The following RBFOX1 variants were observed in gnomAD, a reference collection of about 807,000 sequenced individuals.
RBFOX1 encodes the protein RNA binding fox-1 homolog 1, also known as RNA binding protein fox-1 homolog 1.
RBFOX1 carries 8 observed loss-of-function variants against 57.7 expected under a neutral mutation model. That is an observed-to-expected ratio of 0.14 (90% CI 0.08 to 0.25). RBFOX1 has a LOEUF of 0.25. RBFOX1 is among the 10% of genes least tolerant of loss of function. The pLI, the probability that RBFOX1 is intolerant of heterozygous loss-of-function variation, is 1.00. For missense variants in RBFOX1, 611 were observed against 548.5 expected (o/e 1.11, Z -1.14); for synonymous variants, 326 against 222.4 (o/e 1.47, Z -4.15).
intron 1 of RBFOX1, among the ~76,000 whole-genome samples, chr16:5,463,380 C>G (rs1451049069): frequency 1.3e-5 from 2 of 152,104 alleles, no homozygotes; most frequent in African/African-American, 4.8e-5. Flanking sequence ...TCTCCTCTGT[C>G]TGCTGTTAGT....
chr16:6,668,382 G>A (rs1032934229), intron 3 of RBFOX1, among the ~76,000 whole-genome samples: 9 of 152,340 alleles, frequency 5.9e-5, no homozygotes, highest in African/African-American at 2.2e-4. Context: ...ACAGAATCTG[G>A]CATCTGAGGA....
chr16:7,086,036 C>G (rs759845232), intron 4 of RBFOX1, among the ~76,000 whole-genome samples: 2 of 152,162 alleles, frequency 1.3e-5, no homozygotes, highest in Admixed American at 1.3e-4. Flanking sequence ...TCTGAGATAG[C>G]CAGCTCTGAG....
intron 2 of RBFOX1, among the ~76,000 whole-genome samples, chr16:6,390,577 C>T (rs2092551154): frequency 6.6e-6 from 1 of 151,332 alleles, no homozygotes; most frequent in South Asian, 2.1e-4. Context: ...ATGGAAGAAA[C>T]ATATCAGATA....
At chr16:7,296,259 C>CTTTT (rs33997825) in intron 4 of RBFOX1, among the ~76,000 whole-genome samples, 2 of 119,770 alleles carry the variant, frequency 1.7e-5, no homozygotes, top group East Asian at 5.0e-4. Flanking sequence ...TTATGTCCTC[C>CTTTT]TTTTTTTTTT....
chr16:5,932,701 G>T (rs1417393691), intron 4 of RBFOX1, among the ~76,000 whole-genome samples: 1 of 152,176 alleles, frequency 6.6e-6, no homozygotes, highest in African/African-American at 2.4e-5. Flanking sequence ...CACCACTGGG[G>T]TCAGGAGGCT....
At chr16:5,348,521 T>C (rs1390071626) in intron 1 of RBFOX1, among the ~76,000 whole-genome samples, 1 of 152,164 alleles carries the variant, frequency 6.6e-6, no homozygotes, top group Non-Finnish European at 1.5e-5. Context: ...CAGGAATACA[T>C]ATCTAAGAAG....
chr16:6,878,039 G>T (rs1029039052), intron 3 of RBFOX1, among the ~76,000 whole-genome samples: 7 of 152,148 alleles, frequency 4.6e-5, no homozygotes, highest in Non-Finnish European at 1.0e-4. Flanking sequence ...CTCTAAGAGG[G>T]ATGGAGCTGA....
chr16:7,462,904 C>G (rs2059837009), intron 4 of RBFOX1, among the ~76,000 whole-genome samples: 1 of 152,226 alleles, frequency 6.6e-6, no homozygotes, highest in Non-Finnish European at 1.5e-5. Context: ...TTGAAAGGCT[C>G]ATTCCATGAG....
intron 2 of RBFOX1, among the ~76,000 whole-genome samples, chr16:6,641,868 C>G (rs965475423): frequency 1.6e-4 from 25 of 151,812 alleles, no homozygotes; most frequent in Admixed American, 2.6e-4. Flanking sequence ...TGGAGATTAC[C>G]CACTTTAGCT....
intron 1 of RBFOX1, among the ~76,000 whole-genome samples, chr16:5,263,299 C>A (rs938921984): frequency 6.6e-6 from 1 of 151,878 alleles, no homozygotes; most frequent in Admixed American, 6.6e-5. Context: ...CTGTTTTTGC[C>A]ATTACTTGTA....
intron 3 of RBFOX1, among the ~76,000 whole-genome samples, chr16:5,803,501 T>G (rs894259657): frequency 6.6e-6 from 1 of 152,228 alleles, no homozygotes; most frequent in African/African-American, 2.4e-5. Flanking sequence ...GGTGCTACTT[T>G]CTTTGTGAGA....
At chr16:7,693,498 A>T (rs146277927) in intron 14 of RBFOX1, 19 of 692,650 alleles carry the variant, frequency 2.7e-5, no homozygotes, top group Non-Finnish European at 4.0e-5. Flanking sequence ...AAAAGATCTT[A>T]TATCTTTGGA....
chr16:5,490,313 G>A (rs71390664), intron 2 of RBFOX1, among the ~76,000 whole-genome samples: 6 of 152,190 alleles, frequency 3.9e-5, no homozygotes, highest in Admixed American at 3.9e-4. Context: ...GCAACCCCAC[G>A]ATGTGGGTGG....
At chr16:6,789,193 A>G (rs2154246352) in intron 3 of RBFOX1, among the ~76,000 whole-genome samples, 1 of 152,270 alleles carries the variant, frequency 6.6e-6, no homozygotes, top group African/African-American at 2.4e-5. Context: ...TAAGGTTTAA[A>G]GACTGTAAGT....
intron 2 of RBFOX1, among the ~76,000 whole-genome samples, chr16:6,320,457 A>G (rs2081631200): frequency 6.6e-6 from 1 of 152,132 alleles, no homozygotes; most frequent in South Asian, 2.1e-4. Context: ...CATCCATGTA[A>G]CCAAAAACCA....
intron 3 of RBFOX1, among the ~76,000 whole-genome samples, chr16:6,846,626 T>G (rs1290298113): frequency 6.6e-6 from 1 of 152,154 alleles, no homozygotes; most frequent in East Asian, 1.9e-4. Flanking sequence ...CTATGAATCA[T>G]GTATTGGGAA....
intron 4 of RBFOX1, among the ~76,000 whole-genome samples, chr16:7,382,125 G>C (rs58722319): frequency 0.016 from 2,482 of 152,224 alleles, 76 homozygotes; most frequent in African/African-American, 0.056. Context: ...CAATATATTT[G>C]AGTAGGGACT....
At chr16:5,999,191 A>C (rs1021596139) in intron 4 of RBFOX1, among the ~76,000 whole-genome samples, 6 of 152,090 alleles carry the variant, frequency 3.9e-5, no homozygotes, top group African/African-American at 1.4e-4. Context: ...TCCTGCCAAC[A>C]CTGCCTTTCC....
At position 6,587,967 on chromosome 16, in the gene RBFOX1, C is replaced by T. The variant is rs373265635; in HGVS notation, c.-63-66636C>T. On this transcript the variant is annotated intron_variant, in intron 2 of 15. Transcript: ENST00000550418. ...GGTTTTTGCCTGGCACAGTGGCTCA[C>T]GCCTGTAATCCCAGCACTTTGGGAG... Among the ~76,000 whole-genome samples the T allele has an allele frequency of 7.2e-5, 11 of 152,164 alleles. No individual in the cohort carries two copies. In the East Asian group the frequency reaches 9.7e-4, roughly 13 times the overall value.
Sources: allele counts gnomAD v4.1 joint callset (sites outside exome capture counted in the v4.1 genomes callset), GRCh38; gene constraint gnomAD v4.1.1; transcripts MANE v1.5; gene names NCBI Gene and HGNC (gene_info 2026-07-23, HGNC 2026-07-21).